Variants in ADGRL2 observed in about 807,000 individuals in gnomAD.
ADGRL2 encodes calcium-independent alpha-latrotoxin receptor 2.
A neutral mutation model predicts 157.4 loss-of-function variants in ADGRL2; 44 were observed. That is an observed-to-expected ratio of 0.28 (90% confidence interval 0.22 to 0.36). ADGRL2 has a LOEUF of 0.36. Ranked by LOEUF, ADGRL2 falls within the 10% of genes least tolerant of loss-of-function variation. The pLI is 1.00. For synonymous variants in ADGRL2, 585 were observed against 624.7 expected (o/e 0.94, Z 0.95); for missense variants, 1,510 against 1,768.9 (o/e 0.85, Z 2.63).
At chr1:81,658,741 T>G (rs984716699) in intron 3 of ADGRL2, among the ~76,000 whole-genome samples, 8 of 152,162 alleles carry the variant, frequency 5.3e-5, no homozygotes, top group African/African-American at 1.9e-4. Context: ...CTCTATTGAA[T>G]GCCTGCTAGT....
At chr1:81,870,069 G>C (rs969150302) in intron 2 of ADGRL2, among the ~76,000 whole-genome samples, 3 of 151,808 alleles carry the variant, frequency 2.0e-5, no homozygotes, top group Admixed American at 1.3e-4. Flanking sequence ...CCAATTATTC[G>C]GGTTAAGTTT....
In ADGRL2 at chr1:81,852,575, A is replaced by G. The variant is rs539678600; in HGVS notation, c.73+15518A>G. Reference sequence around the variant, plus strand: ...AATACTTCTTCAAAGTATGATCATTATGAAATGAAAATGTGAAAACACTTG... The same window carrying G: ...AATACTTCTTCAAAGTATGATCATTGTGAAATGAAAATGTGAAAACACTTG... On this transcript the variant is annotated intron_variant, in intron 2 of 23. Transcript: ENST00000686636. 5.7e-4 allele frequency among the ~76,000 whole-genome samples: 87 copies of G among 152,266 alleles called. 3 individuals carry two copies. In the South Asian group the frequency reaches 0.015, roughly 25 times the overall value.
chr1:81,375,003 C>T (rs74093400), intron 1 of ADGRL2, among the ~76,000 whole-genome samples: 246 of 152,258 alleles, frequency 1.6e-3, no homozygotes, highest in African/African-American at 5.5e-3. Context: ...ATGCCCAGCA[C>T]CAGTCTTGCT....
chr1:81,863,599 G>A (rs913766719), intron 2 of ADGRL2, among the ~76,000 whole-genome samples: 1 of 152,150 alleles, frequency 6.6e-6, no homozygotes, highest in Non-Finnish European at 1.5e-5. Flanking sequence ...GATGGCAGAT[G>A]ATGGGAAACC....
intron 2 of ADGRL2, among the ~76,000 whole-genome samples, chr1:81,848,792 A>G (rs1035069447): frequency 1.3e-5 from 2 of 151,952 alleles, no homozygotes; most frequent in African/African-American, 4.8e-5. Context: ...GTTACCAGCT[A>G]TTGCTGAGAA....
intron 3 of ADGRL2, among the ~76,000 whole-genome samples, chr1:81,652,553 C>T (rs1173192550): frequency 2.0e-5 from 3 of 152,110 alleles, no homozygotes. Flanking sequence ...GTTGGTGCTT[C>T]CAGACCTTTT....
chr1:81,891,640 T>C (rs2094267557), intron 2 of ADGRL2, among the ~76,000 whole-genome samples: 1 of 152,184 alleles, frequency 6.6e-6, no homozygotes. Flanking sequence ...TACTTTGAAA[T>C]TGATACTCTT....
chr1:81,959,195 A>T (rs925215363), intron 11 of ADGRL2, among the ~76,000 whole-genome samples: 8 of 151,990 alleles, frequency 5.3e-5, no homozygotes, highest in Non-Finnish European at 8.8e-5. Flanking sequence ...TTTTATTTTT[A>T]GTGGTTCTTG....
chr1:81,459,006 G>A (rs1001706265), intron 2 of ADGRL2, among the ~76,000 whole-genome samples: 6 of 152,270 alleles, frequency 3.9e-5, no homozygotes, highest in Non-Finnish European at 8.8e-5. Flanking sequence ...CAGTGGAGAG[G>A]GGATCTGAGA....
chr1:81,374,837 A>G (rs551456947), intron 1 of ADGRL2, among the ~76,000 whole-genome samples: 3 of 152,194 alleles, frequency 2.0e-5, no homozygotes, highest in Non-Finnish European at 4.4e-5. Flanking sequence ...TCTTCTAATT[A>G]GCTGGTACTC....
chr1:81,639,241 T>C (rs2082170345), intron 3 of ADGRL2, among the ~76,000 whole-genome samples: 1 of 147,886 alleles, frequency 6.8e-6, no homozygotes, highest in South Asian at 2.1e-4. Flanking sequence ...TGGCTAACTT[T>C]TGTATTTTTA....
chr1:81,508,509 C>T (rs2079019659), intron 2 of ADGRL2, among the ~76,000 whole-genome samples: 1 of 152,204 alleles, frequency 6.6e-6, no homozygotes, highest in Non-Finnish European at 1.5e-5. Context: ...GAACAATAGA[C>T]ACATATATTG....
chr1:81,575,497 G>T (rs763264935), intron 2 of ADGRL2, among the ~76,000 whole-genome samples: 21 of 152,076 alleles, frequency 1.4e-4, no homozygotes, highest in Non-Finnish European at 2.8e-4. Flanking sequence ...ATCACTGAAT[G>T]ATCAAGAGTC....
chr1:81,374,588 A>AAACAAAAAAAAAAAAAG (rs2101008167), intron 1 of ADGRL2, among the ~76,000 whole-genome samples: 1 of 151,708 alleles, frequency 6.6e-6, no homozygotes, highest in East Asian at 1.9e-4. Flanking sequence ...GAAAAAAAAA[A>AAACAAAAAAAAAAAAAG]CAAGTTGCCT....
At chr1:81,375,193 G>A (rs1039388401) in intron 1 of ADGRL2, among the ~76,000 whole-genome samples, 31 of 152,194 alleles carry the variant, frequency 2.0e-4, no homozygotes, top group African/African-American at 7.2e-4. Flanking sequence ...TATACAAAGA[G>A]CAATGGCAGC....
intron 3 of ADGRL2, among the ~76,000 whole-genome samples, chr1:81,611,839 G>C (rs1009624297): frequency 2.0e-5 from 3 of 152,088 alleles, no homozygotes; most frequent in Non-Finnish European, 4.4e-5. Flanking sequence ...CTGATGGGAG[G>C]TGTGTGGGTC....
intron 1 of ADGRL2, among the ~76,000 whole-genome samples, chr1:81,319,018 C>T (rs1224679618): frequency 1.2e-4 from 18 of 146,570 alleles, no homozygotes; most frequent in Middle Eastern, 3.6e-3. Context: ...CCCAGCTCAC[C>T]GCAACCTCCA....
chr1:81,796,545 G>A (rs1432600176), upstream of ADGRL2, among the ~76,000 whole-genome samples: 1 of 152,068 alleles, frequency 6.6e-6, no homozygotes, highest in Non-Finnish European at 1.5e-5. Flanking sequence ...AAGACTCAGT[G>A]GAACAATAAT....
chr1:81,403,267 TTTG>T (rs903299921), intron 1 of ADGRL2, among the ~76,000 whole-genome samples: 4 of 151,816 alleles, frequency 2.6e-5, no homozygotes, highest in African/African-American at 9.7e-5. Context: ...GTTTGTTTGT[TTTG>T]TTTTTTGTTT....
Sources: allele counts gnomAD v4.1 joint callset (sites outside exome capture counted in the v4.1 genomes callset), GRCh38; gene constraint gnomAD v4.1.1; transcripts MANE v1.5; gene names NCBI Gene and HGNC (gene_info 2026-07-23, HGNC 2026-07-21).